IL12RB2: variants seen among roughly 807,000 people sequenced by gnomAD.
IL12RB2 encodes interleukin 12 receptor subunit beta 2.
In IL12RB2, 82 loss-of-function variants were observed where a neutral mutation model predicts 89.4. That is an observed-to-expected ratio of 0.92 (90% confidence interval 0.77 to 1.10). The LOEUF is 1.10. Among genes scored for constraint, IL12RB2 ranks in the 50% least tolerant of loss-of-function variants. IL12RB2 has a pLI of 0.00. For missense variants in IL12RB2, 963 were observed against 1,031.9 expected (o/e 0.93, Z 0.92); for synonymous variants, 368 against 370.1 (o/e 0.99, Z 0.07).
intron 16 of IL12RB2, among the ~76,000 whole-genome samples, chr1:67,395,240 C>T (rs1023490517): frequency 6.6e-6 from 1 of 151,612 alleles, no homozygotes; most frequent in South Asian, 2.1e-4. Flanking sequence ...TGCACTTGAG[C>T]CTGGGTGACA....
intron 9 of IL12RB2, among the ~76,000 whole-genome samples, chr1:67,339,222 C>T (rs1223784071): frequency 1.3e-5 from 2 of 152,198 alleles, no homozygotes; most frequent in African/African-American, 2.4e-5. Flanking sequence ...TGCAGTGGCT[C>T]ACGCCTGTAA....
intron 10 of IL12RB2, among the ~76,000 whole-genome samples, chr1:67,356,428 G>A (rs1661405025): frequency 6.6e-6 from 1 of 152,202 alleles, no homozygotes; most frequent in African/African-American, 2.4e-5. Flanking sequence ...CACTGGGGAG[G>A]AGAGCTGGGA....
chr1:67,367,159 G>A (rs775654373), intron 10 of IL12RB2, among the ~76,000 whole-genome samples: 1 of 152,062 alleles, frequency 6.6e-6, no homozygotes, highest in Non-Finnish European at 1.5e-5. Flanking sequence ...TTGAGAGGCC[G>A]AGGCAGGAGG....
chr1:67,382,111 G>C (rs558168459), intron 14 of IL12RB2, among the ~76,000 whole-genome samples: 2 of 152,240 alleles, frequency 1.3e-5, no homozygotes, highest in East Asian at 3.8e-4. Context: ...GCCAAGTGCC[G>C]TGGCTCCCAC....
At chr1:67,369,309 C>G (rs1663034486) in intron 11 of IL12RB2, among the ~76,000 whole-genome samples, 1 of 152,184 alleles carries the variant, frequency 6.6e-6, no homozygotes, top group South Asian at 2.1e-4. Flanking sequence ...GACGGCTTGA[C>G]GGCTGTTGCT....
chr1:67,359,304 G>A (rs1661723584), intron 10 of IL12RB2, among the ~76,000 whole-genome samples: 2 of 152,160 alleles, frequency 1.3e-5, no homozygotes, highest in South Asian at 4.1e-4. Context: ...TATTTTCTAA[G>A]ACGAATTTAA....
chr1:67,351,203 G>A (rs1660798940), intron 10 of IL12RB2, 114 bp downstream of exon 10: 3 of 1,538,798 alleles, frequency 1.9e-6, no homozygotes, highest in African/African-American at 2.8e-5. Flanking sequence ...TTCAGGCTTT[G>A]GAGTCAACAG....
At chr1:67,328,427 T>C (rs758484993) in intron 6 of IL12RB2, 43 bp downstream of exon 6, 43 of 1,610,766 alleles carry the variant, frequency 2.7e-5, no homozygotes, top group Non-Finnish European at 3.5e-5. Flanking sequence ...TATAATTATT[T>C]TTAAAATCAC....
At chr1:67,394,008 A>T (rs1666103108) in intron 16 of IL12RB2, among the ~76,000 whole-genome samples, 2 of 152,166 alleles carry the variant, frequency 1.3e-5, no homozygotes, top group African/African-American at 4.8e-5. Flanking sequence ...GCATCCAGGG[A>T]AAGGAACAGT....
intron 2 of IL12RB2, among the ~76,000 whole-genome samples, chr1:67,317,588 C>T (rs926074569): frequency 1.3e-5 from 2 of 152,286 alleles, no homozygotes; most frequent in Middle Eastern, 3.4e-3. Context: ...TCTCAAGGTC[C>T]TTAACTTTAA....
intron 16 of IL12RB2, among the ~76,000 whole-genome samples, chr1:67,392,894 G>T (rs944723840): frequency 6.6e-6 from 1 of 152,130 alleles, no homozygotes; most frequent in African/African-American, 2.4e-5. Context: ...AAAGTGTTGG[G>T]AGTACAGGCA....
At chr1:67,314,187 A>G (rs1490710480) in intron 2 of IL12RB2, among the ~76,000 whole-genome samples, 187 bp downstream of exon 2, 3 of 152,196 alleles carry the variant, frequency 2.0e-5, no homozygotes, top group Admixed American at 1.3e-4. Flanking sequence ...AGGGCACAGT[A>G]GTTACTAGTA....
rs879804821 is a variant in IL12RB2, at chr1:67,398,517, AT to A, written c.*2441del. On this transcript the variant is annotated 3_prime_UTR_variant, in exon 17 of 17. Coordinates refer to ENST00000674203, the MANE Select transcript of IL12RB2 (RefSeq NM_001374259.2). Reference sequence around the variant, plus strand: ...TTTGTCTTCCCAAAAAAAAAAAAGAATTTTTTTTTTTTTAAGGAATCCTTCC... The same window carrying A: ...TTTGTCTTCCCAAAAAAAAAAAAGAATTTTTTTTTTTTAAGGAATCCTTCC... Among the ~76,000 whole-genome samples, 75 of 145,510 alleles carry A rather than the reference AT, an allele frequency of 5.2e-4. No homozygotes were observed. The highest frequency in any genetic ancestry group is 7.0e-4 in the African/African-American group (28 of 39,782).
chr1:67,372,393 C>T, intron 11 of IL12RB2, 43 bp from the exon 12 acceptor site: 4 of 1,023,638 alleles, frequency 3.9e-6, no homozygotes, highest in Non-Finnish European at 6.2e-6. Context: ...AGTGACTCAC[C>T]AGTAATGGCA....
chr1:67,312,159 G>A (rs1332416998), intron 1 of IL12RB2, among the ~76,000 whole-genome samples: 2 of 152,180 alleles, frequency 1.3e-5, no homozygotes, highest in Non-Finnish European at 2.9e-5. Flanking sequence ...GGTGACAGAG[G>A]CAGAAATGGA....
chr1:67,346,392 T>A (rs1660238429), intron 9 of IL12RB2, among the ~76,000 whole-genome samples: 1 of 146,590 alleles, frequency 6.8e-6, no homozygotes, highest in African/African-American at 2.6e-5. Context: ...TTTTTTTTTT[T>A]TTTTTTTTTT....
rs367732045 is a variant in IL12RB2, at chr1:67,365,274, G to A, written c.1259-2551G>A. Among the ~76,000 whole-genome samples, 8 of 151,824 alleles carry A rather than the reference G, an allele frequency of 5.3e-5. No homozygotes were observed. In the East Asian group the frequency reaches 1.2e-3, roughly 22 times the overall value. ...AATGGATCAAATAACCCCAAAGTAAGCAAATAGTAATAATAAGAGAGGAAA... is the reference window on the plus strand; with the variant it reads ...AATGGATCAAATAACCCCAAAGTAAACAAATAGTAATAATAAGAGAGGAAA... On this transcript the variant is annotated intron_variant, in intron 10 of 16. Transcript: ENST00000674203.
rs951630367 is a variant in IL12RB2 at position 67,320,336 on chromosome 1, G to A, written c.-33G>A. On this transcript the variant is annotated 5_prime_UTR_variant, in exon 3 of 17. Transcript: ENST00000674203. Reference sequence around the variant, plus strand: ...TGAATTTGTCTTCTTTTGCAAGGAAGAATACGGAGTTCTATACCAGAGTTG... The same window carrying A: ...TGAATTTGTCTTCTTTTGCAAGGAAAAATACGGAGTTCTATACCAGAGTTG... The A allele has an allele frequency of 6.2e-7, 1 of 1,613,782 alleles. No individual in the cohort carries two copies. Among genetic ancestry groups the A allele is most frequent in the African/African-American group, 1.3e-5 (1 of 75,020 alleles).
chr1:67,311,642 A>G (rs1246189663), intron 1 of IL12RB2, among the ~76,000 whole-genome samples: 2 of 152,216 alleles, frequency 1.3e-5, no homozygotes, highest in Non-Finnish European at 2.9e-5. Context: ...TTGCAATGAT[A>G]TGCAGGAAAA....
Sources: allele counts gnomAD v4.1 joint callset (sites outside exome capture counted in the v4.1 genomes callset), GRCh38; gene constraint gnomAD v4.1.1; transcripts MANE v1.5; gene names NCBI Gene and HGNC (gene_info 2026-07-23, HGNC 2026-07-21).